The following RALGPS1 variants were observed in gnomAD, a reference collection of about 807,000 sequenced individuals.
The protein encoded by RALGPS1 is Ral GEF with PH domain and SH3 binding motif 1.
Under a neutral mutation model 78.8 loss-of-function variants are expected in RALGPS1, and 19 were observed. The observed-to-expected ratio is 0.24, with a 90% CI of 0.17 to 0.35. The LOEUF is 0.35. RALGPS1 is among the 10% of genes least tolerant of loss of function. The pLI, the probability that RALGPS1 is intolerant of heterozygous loss-of-function variation, is 1.00. For missense variants in RALGPS1, 454 were observed against 688.3 expected (o/e 0.66, Z 3.81); for synonymous variants, 228 against 256.3 (o/e 0.89, Z 1.06).
chr9:127,172,087 C>T (rs2059594401), intron 10 of RALGPS1, among the ~76,000 whole-genome samples: 1 of 152,188 alleles, frequency 6.6e-6, no homozygotes, highest in Non-Finnish European at 1.5e-5. Flanking sequence ...TTATTTTAAT[C>T]AGTCCCTTAA....
At chr9:127,178,648 G>C (rs2060026299) in intron 11 of RALGPS1, 1 of 218,816 alleles carries the variant, frequency 4.6e-6, no homozygotes, top group Non-Finnish European at 7.7e-6. Flanking sequence ...CCAGGCTGTG[G>C]CAAACTGTGG....
chr9:126,957,474 G>C (rs1486786529), intron 1 of RALGPS1, among the ~76,000 whole-genome samples: 2 of 152,192 alleles, frequency 1.3e-5, no homozygotes, highest in Non-Finnish European at 2.9e-5. Context: ...TCCACTCAAA[G>C]AGGATCAAGC....
At position 127,099,471 on chromosome 9, in the gene RALGPS1, A is replaced by G. The variant is rs143979952; in HGVS notation, c.610+30115A>G. On this transcript the variant is annotated intron_variant, in intron 8 of 18. Transcript: ENST00000259351. ...GGATCTGCAATTTCCTACCCAAATT[A>G]ATGCATCTGAGTGCCACGGCACGTG... 8.9e-3 allele frequency among the ~76,000 whole-genome samples: 1,358 copies of G among 152,276 alleles called. 8 individuals carry two copies. Among genetic ancestry groups the G allele is most frequent in the Non-Finnish European group, 0.012 (821 of 68,016 alleles).
At chr9:127,216,875 T>C (rs2131036355) in intron 18 of RALGPS1, 1 of 1,518,134 alleles carries the variant, frequency 6.6e-7, no homozygotes, top group Non-Finnish European at 8.8e-7. Context: ...CTTAAGAGCA[T>C]AGCACACTGA....
At chr9:127,216,926 T>C in intron 18 of RALGPS1, 1 of 1,547,094 alleles carries the variant, frequency 6.5e-7, no homozygotes, top group Non-Finnish European at 8.7e-7. Flanking sequence ...CAGCTCCAGG[T>C]CCAACAGGAA....
intron 8 of RALGPS1, among the ~76,000 whole-genome samples, chr9:127,162,679 G>A (rs898154737): frequency 2.6e-5 from 4 of 152,122 alleles, no homozygotes; most frequent in Non-Finnish European, 4.4e-5. Flanking sequence ...GCATCTGCAC[G>A]TTTTGTAGAG....
At chr9:127,149,052 T>C (rs1422372201) in intron 8 of RALGPS1, among the ~76,000 whole-genome samples, 5 of 152,216 alleles carry the variant, frequency 3.3e-5, no homozygotes, top group African/African-American at 1.2e-4. Context: ...TAGCCCTGTT[T>C]ACAGAGGCCA....
At chr9:127,015,085 C>CT in intron 4 of RALGPS1, among the ~76,000 whole-genome samples, 1 of 152,260 alleles carries the variant, frequency 6.6e-6, no homozygotes, top group South Asian at 2.1e-4. Context: ...CCTTCCCTGT[C>CT]TTTTTGTTCC....
chr9:126,938,000 C>A (rs1470258967), intron 1 of RALGPS1, among the ~76,000 whole-genome samples: 5 of 152,124 alleles, frequency 3.3e-5, no homozygotes, highest in Non-Finnish European at 7.3e-5. Context: ...TGGTGGGAAT[C>A]TGAATTGTTC....
At chr9:127,173,816 C>T (rs2059690364) in intron 10 of RALGPS1, among the ~76,000 whole-genome samples, 1 of 152,126 alleles carries the variant, frequency 6.6e-6, no homozygotes. Flanking sequence ...AGTTCGAGAC[C>T]AACCTGGGCA....
chr9:127,012,141 T>C (rs1291337481), intron 4 of RALGPS1, among the ~76,000 whole-genome samples: 1 of 152,128 alleles, frequency 6.6e-6, no homozygotes, highest in African/African-American at 2.4e-5. Context: ...TTCTCCTGAG[T>C]GTAGGTATTG....
chr9:127,016,407 T>C (rs1339821418), intron 4 of RALGPS1, among the ~76,000 whole-genome samples: 4 of 152,132 alleles, frequency 2.6e-5, no homozygotes, highest in African/African-American at 9.7e-5. Flanking sequence ...GCTGCTATAT[T>C]TTATAGAGAG....
intron 1 of RALGPS1, among the ~76,000 whole-genome samples, chr9:126,945,678 G>T (rs552706483): frequency 6.5e-4 from 99 of 152,172 alleles, no homozygotes; most frequent in African/African-American, 2.1e-3. Flanking sequence ...ATTGTGCATC[G>T]GGCCTTCCCT....
chr9:127,005,685 A>G (rs2043771865), intron 4 of RALGPS1, among the ~76,000 whole-genome samples: 1 of 152,096 alleles, frequency 6.6e-6, no homozygotes, highest in African/African-American at 2.4e-5. Flanking sequence ...CTGAAGTTCT[A>G]CTTTTTTTTC....
chr9:127,118,732 C>T (rs1183481715), intron 8 of RALGPS1, among the ~76,000 whole-genome samples: 1 of 152,224 alleles, frequency 6.6e-6, no homozygotes, highest in Non-Finnish European at 1.5e-5. Flanking sequence ...TCCTGCTGGG[C>T]TGTGGGCTCT....
intron 7 of RALGPS1, among the ~76,000 whole-genome samples, chr9:127,061,332 G>A (rs1490039852): frequency 6.6e-6 from 1 of 152,180 alleles, no homozygotes; most frequent in African/African-American, 2.4e-5. Context: ...TTAAAACATG[G>A]CCATAATCAA....
intron 8 of RALGPS1, among the ~76,000 whole-genome samples, chr9:127,133,224 C>T (rs2057132197): frequency 6.6e-6 from 1 of 152,218 alleles, no homozygotes; most frequent in African/African-American, 2.4e-5. Context: ...ACCGTGCACC[C>T]TGGGGAGGCT....
At chr9:127,160,869 G>A (rs574541769) in intron 8 of RALGPS1, among the ~76,000 whole-genome samples, 2 of 152,308 alleles carry the variant, frequency 1.3e-5, no homozygotes, top group South Asian at 4.1e-4. Flanking sequence ...TGGGGAACAG[G>A]AGTGCCTTCT....
At chr9:127,201,971 G>A (rs576201495) in intron 14 of RALGPS1, among the ~76,000 whole-genome samples, 22 of 152,326 alleles carry the variant, frequency 1.4e-4, no homozygotes, top group African/African-American at 5.3e-4. Context: ...CCTGGGCCAC[G>A]CAGAGAAGTG....
Sources: gnomAD v4.1 joint callset for allele counts (sites outside exome capture counted in the v4.1 genomes callset) on GRCh38, gnomAD v4.1.1 for gene constraint, MANE v1.5 for transcripts, NCBI Gene and HGNC (gene_info 2026-07-23, HGNC 2026-07-21) for gene names.